The following PCNX2 variants were observed in gnomAD, a reference collection of about 807,000 sequenced individuals.
PCNX2 encodes the protein pecanex-like protein 2.
In PCNX2, 168 loss-of-function variants were observed where a neutral mutation model predicts 223.8. The observed-to-expected ratio is 0.75, with a 90% CI of 0.66 to 0.85. PCNX2 has a LOEUF of 0.85. Among genes scored for constraint, PCNX2 ranks in the 40% least tolerant of loss-of-function variants. The pLI is 0.00. For missense variants in PCNX2, 2,507 were observed against 2,675.5 expected (o/e 0.94, Z 1.39); for synonymous variants, 1,006 against 1,052.6 (o/e 0.96, Z 0.86).
intron 12 of PCNX2, chr1:233,211,663 T>G (rs1426751033): frequency 2.0e-6 from 1 of 509,520 alleles, no homozygotes; most frequent in Non-Finnish European, 2.5e-6. Flanking sequence ...CATGGCAGAG[T>G]AAGGACTGGA....
rs544416480 is a variant in PCNX2 at position 233,098,952 on chromosome 1, G to A, written c.3838-3089C>T. 3.9e-5 allele frequency among the ~76,000 whole-genome samples: 6 copies of A among 152,312 alleles called. No homozygotes were observed. In the South Asian group the frequency reaches 8.3e-4, roughly 21 times the overall value. ...AATGTTACAAAAGAGTTTGATAAAT[G>A]TTAGGACAAGTGGATATCTTATTCA... On this transcript the variant is annotated intron_variant, in intron 21 of 33. Coordinates refer to ENST00000258229, the MANE Select transcript of PCNX2 (RefSeq NM_014801.4).
At chr1:233,047,526 C>A in intron 25 of PCNX2, 1 of 476,022 alleles carries the variant, frequency 2.1e-6, no homozygotes, top group Non-Finnish European at 2.7e-6. Flanking sequence ...AACTGAAAAG[C>A]TTTCATCAAA....
At chr1:233,082,119 G>A (rs1038467700) in intron 23 of PCNX2, among the ~76,000 whole-genome samples, 5 of 152,124 alleles carry the variant, frequency 3.3e-5, no homozygotes, top group African/African-American at 1.2e-4. Flanking sequence ...CACTTGTTCT[G>A]TGACCTTGGG....
At position 233,213,816 on chromosome 1, in the gene PCNX2, CTTTTTTTTTTTT is replaced by C. The variant is rs71173256; in HGVS notation, c.2691+4071_2691+4082del. On this transcript the variant is annotated intron_variant, in intron 12 of 33. Transcript: ENST00000258229. ...TATTACATACATTGCCCAGTGCACTCTTTTTTTTTTTTTTTTTTTTTTTTTTTTTGAGACAGA... is the reference window on the plus strand; with the variant it reads ...TATTACATACATTGCCCAGTGCACTCTTTTTTTTTTTTTTTTTGAGACAGA... Among the ~76,000 whole-genome samples the C allele has an allele frequency of 2.9e-4, 19 of 65,270 alleles. 1 individual carries two copies. The highest frequency in any genetic ancestry group is 1.2e-3 in the Admixed American group (6 of 4,992). 42.8% of individuals were successfully genotyped at this position (65,270 alleles called of 152,430 possible). A position where few individuals can be genotyped will look rare whatever the true frequency, so the allele number is the denominator to read the frequency against.
chr1:233,227,648 G>A (rs12408919), intron 9 of PCNX2, among the ~76,000 whole-genome samples: 17,838 of 151,984 alleles, frequency 0.12, 1,541 homozygotes, highest in Admixed American at 0.24. Context: ...TACTCATCAC[G>A]TCAAAATGCT....
chr1:233,247,743 G>A (rs113285693), intron 8 of PCNX2, among the ~76,000 whole-genome samples: 4,374 of 152,026 alleles, frequency 0.029, 212 homozygotes, highest in African/African-American at 0.099. Context: ...CCAGGCGTGG[G>A]GGCGGGCACC....
At chr1:233,108,242 T>G (rs1674912908) in intron 21 of PCNX2, among the ~76,000 whole-genome samples, 1 of 152,194 alleles carries the variant, frequency 6.6e-6, no homozygotes, top group African/African-American at 2.4e-5. Context: ...AAATTCTTTC[T>G]TGTGCGAGAT....
At position 233,250,807 on chromosome 1, in the gene PCNX2, T is replaced by C; in HGVS notation, c.2154A>G (p.Lys718=). 6.3e-7 allele frequency: 1 copy of C among 1,599,472 alleles called. No homozygotes were observed. The highest frequency in any genetic ancestry group is 8.5e-7 in the Non-Finnish European group (1 of 1,172,270). ...EHGEIRSCYL[K]SGNQKEGPLQ... ...AAGGGCCTTCTTTCTGATTTCCAGA[T>C]TTTAAATAACAGGATCTAATTTCCC... Residue 718 remains lysine (K), a synonymous_variant, in exon 8 of 34, where the codon AAA becomes AAG. Coordinates refer to ENST00000258229, the MANE Select transcript of PCNX2 (RefSeq NM_014801.4).
intron 19 of PCNX2, among the ~76,000 whole-genome samples, chr1:233,153,015 T>G (rs990332440): frequency 1.3e-5 from 2 of 152,170 alleles, no homozygotes; most frequent in African/African-American, 4.8e-5. Context: ...GCCATAACAT[T>G]ATAATTATCT....
intron 13 of PCNX2, among the ~76,000 whole-genome samples, chr1:233,200,505 G>A (rs192348539): frequency 1.0e-4 from 15 of 147,430 alleles, no homozygotes; most frequent in Admixed American, 6.4e-4. Flanking sequence ...CCTCTCACCC[G>A]GAGGAAACTG....
chr1:233,189,256 G>C (rs567712059), intron 15 of PCNX2, among the ~76,000 whole-genome samples: 1 of 152,260 alleles, frequency 6.6e-6, no homozygotes, highest in East Asian at 1.9e-4. Flanking sequence ...CTTCCTTATC[G>C]ATTACATGGA....
chr1:233,015,313 GA>G, intron 27 of PCNX2, among the ~76,000 whole-genome samples: 1 of 152,330 alleles, frequency 6.6e-6, no homozygotes, highest in Non-Finnish European at 1.5e-5. Context: ...AGCAATTTGG[GA>G]AGCCAAGGTG....
chr1:233,263,708 G>A (rs1046315979), intron 1 of PCNX2, among the ~76,000 whole-genome samples: 1 of 152,012 alleles, frequency 6.6e-6, no homozygotes, highest in Admixed American at 6.6e-5. Context: ...CGCCCACTTC[G>A]ACCTCTCAAA....
At chr1:233,100,679 GAC>G (rs1674438039) in intron 21 of PCNX2, among the ~76,000 whole-genome samples, 1 of 152,120 alleles carries the variant, frequency 6.6e-6, no homozygotes, top group South Asian at 2.1e-4. Flanking sequence ...TCAGTCTGGA[GAC>G]ACCCCTCCCA....
At chr1:233,144,933 T>TTTG (rs1205711254) in intron 19 of PCNX2, among the ~76,000 whole-genome samples, 362 of 148,450 alleles carry the variant, frequency 2.4e-3, no homozygotes, top group Admixed American at 4.6e-3. Context: ...TTCGGTGCTA[T>TTTG]TTGTTGTTGT....
At chr1:233,116,221 T>C (rs2102984531) in intron 21 of PCNX2, among the ~76,000 whole-genome samples, 1 of 152,274 alleles carries the variant, frequency 6.6e-6, no homozygotes, top group Non-Finnish European at 1.5e-5. Flanking sequence ...ACAGAATGAT[T>C]AGACAGAAAA....
At chr1:233,167,899 T>A in intron 17 of PCNX2, 1 of 818,784 alleles carries the variant, frequency 1.2e-6, no homozygotes, top group Non-Finnish European at 1.5e-6. Flanking sequence ...TATATGTAGG[T>A]TTTTTCAGGT....
Position 233,295,310 on chromosome 1 carries a change from G to A in PCNX2, c.153+16C>T. 1 of 1,572,652 alleles carries A rather than the reference G, an allele frequency of 6.4e-7. No individual in the cohort carries two copies. The highest frequency in any genetic ancestry group is 8.6e-7 in the Non-Finnish European group (1 of 1,158,884). On this transcript the variant is annotated intron_variant, in intron 1 of 33. Coordinates refer to ENST00000258229, the MANE Select transcript of PCNX2 (RefSeq NM_014801.4). The surrounding 1 kb of genome is among the most constrained non-coding windows in gnomAD (Gnocchi z 4.1). ...CCATACCCACAGCTCCCCGGGACCG[G>A]ACCCTCCCCACTCACCAGGTGCAGG... is the stretch of plus-strand genomic sequence containing the variant.
intron 25 of PCNX2, among the ~76,000 whole-genome samples, chr1:233,053,786 C>A (rs1174346455): frequency 6.6e-6 from 1 of 152,168 alleles, no homozygotes; most frequent in Non-Finnish European, 1.5e-5. Context: ...GAAGTGCCTT[C>A]TACATGATCT....
Sources: allele counts gnomAD v4.1 joint callset (sites outside exome capture counted in the v4.1 genomes callset), GRCh38; gene constraint gnomAD v4.1.1; non-coding constraint Gnocchi (gnomAD v3.1); transcripts MANE v1.5; gene names NCBI Gene and HGNC (gene_info 2026-07-23, HGNC 2026-07-21).